Variants in MKRN1 observed in about 807,000 individuals in gnomAD.
MKRN1 encodes E3 ubiquitin-protein ligase makorin-1.
Under a neutral mutation model 55.5 loss-of-function variants are expected in MKRN1, and 9 were observed. That is an observed-to-expected ratio of 0.16 (90% CI 0.10 to 0.28). MKRN1 has a LOEUF of 0.28. Ranked by LOEUF, MKRN1 falls within the 10% of genes least tolerant of loss-of-function variation. The pLI is 1.00. For synonymous variants in MKRN1, 253 were observed against 235.9 expected, an observed-to-expected ratio of 1.07 and a Z score of -0.66; for missense variants, 488 against 626.7, an observed-to-expected ratio of 0.78 and a Z score of 2.36.
Position 140,455,225 on chromosome 7 carries a change from G to A in MKRN1, c.1106C>T (p.Ala369Val), listed in dbSNP as rs373781587. 8 of 1,613,818 alleles carry A rather than the reference G, an allele frequency of 5.0e-6. No homozygotes were observed. The highest frequency in any genetic ancestry group is 1.3e-5 in the African/African-American group (1 of 74,874). Residue 369 changes from alanine to valine, a missense_variant, in exon 7 of 8, where the codon GCG (alanine) becomes GTG (valine). Physicochemically the swap from Ala to Val is moderately conservative, Grantham distance 64. Around this residue, in one of 2 missense-constraint regions of MKRN1, gnomAD observed 278 missense variants for 406.7 expected, o/e 0.68. Coordinates refer to ENST00000255977, the MANE Select transcript of MKRN1 (RefSeq NM_013446.4). Reference protein sequence around the residue: ...LKYKEAMSNKACRYFDEGRGS... With the variant: ...LKYKEAMSNKVCRYFDEGRGS... ...ACGTCCTTCATCAAAATACCTGCAC[G>A]CCTTGTTGCTGGAAAGGAAAATATC...
intron 4 of MKRN1, 26 bp from the exon 5 acceptor site, chr7:140,456,892 T>G (rs763312333): frequency 6.2e-7 from 1 of 1,602,652 alleles, no homozygotes; most frequent in South Asian, 1.1e-5. Context: ...AGAGAACAAG[T>G]GGAATCCAGT....
intron 2 of MKRN1, among the ~76,000 whole-genome samples, chr7:140,470,995 A>G (rs1370410440): frequency 6.6e-6 from 1 of 152,126 alleles, no homozygotes; most frequent in African/African-American, 2.4e-5. Flanking sequence ...CCATCTCATA[A>G]GTGTCTCTGA....
intron 1 of MKRN1, among the ~76,000 whole-genome samples, chr7:140,472,881 GC>G (rs1394460391): frequency 6.6e-6 from 1 of 151,440 alleles, no homozygotes; most frequent in African/African-American, 2.4e-5. Flanking sequence ...ACTTTGGGAG[GC>G]CAAGGCGGAT....
chr7:140,476,542 TTTG>T (rs954690886), intron 1 of MKRN1, among the ~76,000 whole-genome samples: 8 of 134,146 alleles, frequency 6.0e-5, no homozygotes, highest in African/African-American at 2.9e-4. Flanking sequence ...ATTTACAAGT[TTTG>T]TTTTTTTTTT....
intron 1 of MKRN1, 110 bp from the exon 2 acceptor site, chr7:140,472,121 A>C: frequency 7.0e-7 from 1 of 1,436,538 alleles, no homozygotes; most frequent in Non-Finnish European, 9.5e-7. Context: ...AAACATACGA[A>C]ATAAACACAA....
In MKRN1 at chr7:140,479,213, C is replaced by G; in HGVS notation, c.132G>C (p.Gly44=). The G allele has an allele frequency of 6.8e-7, 1 of 1,465,124 alleles. No individual in the cohort carries two copies. The highest frequency in any genetic ancestry group is 9.0e-7 in the Non-Finnish European group (1 of 1,109,066). 90.8% of individuals were successfully genotyped at this position (1,465,124 alleles called of 1,614,324 possible). ...VTAPSLGAGG[G]GGGSDGSGGG... is the part of the protein sequence containing the mutation. Reference sequence around the variant, plus strand: ...CGCCGCTGCCGTCGCTGCCGCCGCCCCCTCCGCCCGCCCCCAGGGACGGGG... The same window carrying G: ...CGCCGCTGCCGTCGCTGCCGCCGCCGCCTCCGCCCGCCCCCAGGGACGGGG... The change falls in exon 1 of 8, where the codon GGG becomes GGC. Residue 44 remains glycine (G), a synonymous_variant. Coordinates refer to ENST00000255977, the MANE Select transcript of MKRN1 (RefSeq NM_013446.4).
rs763649783 is a variant in MKRN1 at position 140,459,946 on chromosome 7, A to C, written c.315-10T>G. 2 of 1,609,730 alleles carry C rather than the reference A, an allele frequency of 1.2e-6. No homozygotes were observed. The highest frequency in any genetic ancestry group is 1.7e-5 in the Admixed American group (1 of 59,878). On this transcript the variant is annotated splice_polypyrimidine_tract_variant and intron_variant, in intron 2 of 7. Coordinates refer to ENST00000255977, the MANE Select transcript of MKRN1 (RefSeq NM_013446.4). ...TTTGCTATGTTCATATCTAAGAAAA[A>C]ATTCAAAAGTAAGCAGTCGGCCAGT...
chr7:140,473,245 C>T (rs188857707), intron 1 of MKRN1: 148 of 449,024 alleles, frequency 3.3e-4, no homozygotes, highest in African/African-American at 2.7e-3. Flanking sequence ...CAGATTCACC[C>T]CAAGTTGAGT....
chr7:140,461,428 A>T (rs1021344579), intron 2 of MKRN1, among the ~76,000 whole-genome samples: 1 of 152,138 alleles, frequency 6.6e-6, no homozygotes, highest in Admixed American at 6.6e-5. Context: ...AGATCACTTA[A>T]GGCCAGGAGT....
chr7:140,457,981 T>C (rs1475120695), intron 4 of MKRN1, among the ~76,000 whole-genome samples: 1 of 152,130 alleles, frequency 6.6e-6, no homozygotes, highest in East Asian at 1.9e-4. Flanking sequence ...TTAAAAGAGA[T>C]GGAAATGATT....
In MKRN1 at chr7:140,455,080, AAC is replaced by A. The variant is rs536708159; in HGVS notation, c.1236+13_1236+14del. The A allele has an allele frequency of 2.3e-4, 372 of 1,612,606 alleles. 2 individuals carry two copies. The African/African-American group carries it at 4.2e-3, about 18-fold the overall frequency. Reference sequence around the variant, plus strand: ...CTTGGAATTTCCCCTCCTTTAAAAAAACAGTGAGAGTTACCCGGTATCTGCTT... The same window carrying A: ...CTTGGAATTTCCCCTCCTTTAAAAAAAGTGAGAGTTACCCGGTATCTGCTT... On this transcript the variant is annotated intron_variant, in intron 7 of 7. Coordinates refer to ENST00000255977, the MANE Select transcript of MKRN1 (RefSeq NM_013446.4).
rs752388460 is a variant in MKRN1 at position 140,456,636 on chromosome 7, T to C, written c.986+16A>G. On this transcript the variant is annotated intron_variant, in intron 5 of 7. Coordinates refer to ENST00000255977, the MANE Select transcript of MKRN1 (RefSeq NM_013446.4). ...CAAAAGAGAAAGCACAAATGAAGAC[T>C]GGGGAGGAGTCTCACTTTATGATCT... 1.4e-5 allele frequency: 23 copies of C among 1,612,844 alleles called. No homozygotes were observed. The highest frequency in any genetic ancestry group is 1.9e-5 in the Non-Finnish European group (22 of 1,179,120).
intron 1 of MKRN1, chr7:140,475,235 C>T (rs1266198456): frequency 1.2e-5 from 5 of 419,930 alleles, no homozygotes; most frequent in African/African-American, 4.3e-5. Context: ...CCCAGCTTCT[C>T]GGAAGGCTGA....
At position 140,459,585 on chromosome 7, in the gene MKRN1, A is replaced by G. The variant is rs1160247106; in HGVS notation, c.544+122T>C. ...AATCTTAGGTAATCCAAATTAAAGTACTGTACTAAGATTAAACTAAAAAAG... is the reference window on the plus strand; with the variant it reads ...AATCTTAGGTAATCCAAATTAAAGTGCTGTACTAAGATTAAACTAAAAAAG... On this transcript the variant is annotated intron_variant, in intron 3 of 7. Coordinates refer to ENST00000255977, the MANE Select transcript of MKRN1 (RefSeq NM_013446.4). 8 of 917,798 alleles carry G rather than the reference A, an allele frequency of 8.7e-6. No homozygotes were observed. The East Asian group carries it at 2.1e-4, about 24-fold the overall frequency. The allele number at this position is 917,798 out of a possible 1,614,324, so 56.9% of individuals were successfully genotyped here.
At chr7:140,466,490 C>T (rs540619992) in intron 2 of MKRN1, among the ~76,000 whole-genome samples, 33 of 152,162 alleles carry the variant, frequency 2.2e-4, no homozygotes, top group African/African-American at 7.7e-4. Flanking sequence ...GATAGGGAGA[C>T]CCCGTCTCTA....
At chr7:140,469,477 G>C (rs1477565280) in intron 2 of MKRN1, among the ~76,000 whole-genome samples, 1 of 152,202 alleles carries the variant, frequency 6.6e-6, no homozygotes, top group Non-Finnish European at 1.5e-5. Flanking sequence ...ACTTAGTCCA[G>C]AATCAGTGGA....
intron 2 of MKRN1, among the ~76,000 whole-genome samples, chr7:140,470,632 C>T (rs1006500891): frequency 4.6e-5 from 7 of 151,232 alleles, no homozygotes; most frequent in African/African-American, 1.7e-4. Flanking sequence ...AAAAACAATG[C>T]TGGCTGGGCA....
chr7:140,456,891 G>A, intron 4 of MKRN1, 25 bp from the exon 5 acceptor site: 2 of 1,602,642 alleles, frequency 1.2e-6, no homozygotes, highest in Non-Finnish European at 1.7e-6. Flanking sequence ...GAGAGAACAA[G>A]TGGAATCCAG....
chr7:140,456,900 A>G (rs1794481639), intron 4 of MKRN1, 34 bp from the exon 5 acceptor site: 1 of 1,594,254 alleles, frequency 6.3e-7, no homozygotes, highest in African/African-American at 1.3e-5. Context: ...AGTGGAATCC[A>G]GTCATTGAAC....
Sources: allele counts gnomAD v4.1 joint callset (sites outside exome capture counted in the v4.1 genomes callset), GRCh38; gene constraint gnomAD v4.1.1; regional missense constraint gnomAD v4.1.1; transcripts MANE v1.5; gene names NCBI Gene and HGNC (gene_info 2026-07-23, HGNC 2026-07-21).